PDE4D: variants seen among roughly 807,000 people sequenced by gnomAD.
PDE4D encodes 3',5'-cyclic-AMP phosphodiesterase 4D.
A neutral mutation model predicts 87.4 loss-of-function variants in PDE4D; 24 were observed. The ratio of observed to expected loss-of-function variants is 0.27; its 90% confidence interval spans 0.20 to 0.39. The LOEUF is 0.39. Among genes scored for constraint, PDE4D ranks in the 10% least tolerant of loss-of-function variants. The probability of loss-of-function intolerance (pLI) is 1.00; values close to 1 mark genes in which losing one functional copy is unlikely to be tolerated. For synonymous variants in PDE4D, 384 were observed against 383.2 expected (o/e 1.00, Z -0.02); for missense variants, 714 against 1,041.0 (o/e 0.69, Z 4.32).
intron 2 of PDE4D, among the ~76,000 whole-genome samples, chr5:60,102,650 T>A (rs1422227966): frequency 1.3e-5 from 2 of 152,044 alleles, no homozygotes; most frequent in African/African-American, 4.8e-5. Flanking sequence ...AGACAGAGAC[T>A]TATCAAAAAG....
At chr5:59,393,419 A>C (rs548001140) in intron 1 of PDE4D, among the ~76,000 whole-genome samples, 1 of 152,306 alleles carries the variant, frequency 6.6e-6, no homozygotes, top group Non-Finnish European at 1.5e-5. Context: ...GGTTGGAGTG[A>C]GAATTAAAGG....
At chr5:59,174,513 G>A (rs538567459) in intron 5 of PDE4D, 2 of 152,730 alleles carry the variant, frequency 1.3e-5, no homozygotes, top group Admixed American at 6.5e-5. Context: ...AAATCCAGAA[G>A]TCTTTTGCTT....
intron 1 of PDE4D, among the ~76,000 whole-genome samples, chr5:60,504,583 AC>A (rs764912494): frequency 6.6e-6 from 1 of 152,150 alleles, no homozygotes; most frequent in Non-Finnish European, 1.5e-5. Flanking sequence ...CTAAAGCAAA[AC>A]CATCTAAGTG....
chr5:59,667,279 T>C (rs1383268226), intron 1 of PDE4D, among the ~76,000 whole-genome samples: 2 of 152,114 alleles, frequency 1.3e-5, no homozygotes. Flanking sequence ...TTGTGTTGTG[T>C]TGTGTTTTGC....
Position 59,229,861 on chromosome 5 carries a change from C to T in PDE4D, c.456-13893G>A, listed in dbSNP as rs771251333. On this transcript the variant is annotated intron_variant, in intron 1 of 14. Coordinates refer to ENST00000340635, the MANE Select transcript of PDE4D (RefSeq NM_001104631.2). ...TTGTGCAGGCTGGAGTGCAATGGTG[C>T]GATCTCGGCTCACTGCAACCTCCGC... Among the ~76,000 whole-genome samples, 8 of 152,212 alleles carry T rather than the reference C, an allele frequency of 5.3e-5. No individual in the cohort carries two copies. In the East Asian group the frequency reaches 5.8e-4, roughly 11 times the overall value.
In PDE4D at chr5:60,103,996, C is replaced by G. The variant is rs574278734; in HGVS notation, c.42+81561G>C. Among the ~76,000 whole-genome samples, 17 of 152,274 alleles carry G rather than the reference C, an allele frequency of 1.1e-4. No homozygotes were observed. In the South Asian group the frequency reaches 3.3e-3, roughly 30 times the overall value. On this transcript the variant is annotated intron_variant, in intron 2 of 16. Transcript: ENST00000502484. ...CCAGGTTCATCTCACTAGGGAGTGC[C>G]AGACAGTGGGCGCAGGACAGTGGGT...
chr5:59,798,363 AT>A (rs112970125), intron 1 of PDE4D, among the ~76,000 whole-genome samples: 10,606 of 151,782 alleles, frequency 0.07, 448 homozygotes, highest in Middle Eastern at 0.16. Flanking sequence ...TCACCAAAAA[AT>A]TTTTTTTAAA....
chr5:59,040,015 G>A, intron 5 of PDE4D: 1 of 152,594 alleles, frequency 6.6e-6, no homozygotes, highest in Non-Finnish European at 1.5e-5. Flanking sequence ...TGCCCAGACC[G>A]CTGGAGCCTC....
intron 6 of PDE4D, among the ~76,000 whole-genome samples, chr5:59,012,491 G>C (rs566479085): frequency 2.2e-4 from 33 of 152,188 alleles, no homozygotes; most frequent in Admixed American, 7.9e-4. Flanking sequence ...AAAAAAAGCA[G>C]GGGTTGCAAT....
At position 59,795,985 on chromosome 5, in the gene PDE4D, A is replaced by T. The variant is rs184907944; in HGVS notation, c.455+97183T>A. Among the ~76,000 whole-genome samples the T allele has an allele frequency of 5.3e-5, 8 of 152,280 alleles. No homozygotes were observed. In the East Asian group the frequency reaches 1.5e-3, roughly 29 times the overall value. On this transcript the variant is annotated intron_variant, in intron 1 of 14. Transcript: ENST00000340635. ...ATCCAAGGAGAGAGGCCTGGAACAA[A>T]TCCTTGCCTCACGGTTCTCAGAAGG...
intron 1 of PDE4D, among the ~76,000 whole-genome samples, chr5:59,507,556 T>C (rs1809485307): frequency 6.6e-6 from 1 of 150,478 alleles, no homozygotes; most frequent in Non-Finnish European, 1.5e-5. Flanking sequence ...TCCTAGCTAC[T>C]TGGGAGGCTG....
At chr5:60,040,014 T>C (rs1768284663) in intron 2 of PDE4D, among the ~76,000 whole-genome samples, 1 of 152,196 alleles carries the variant, frequency 6.6e-6, no homozygotes. Flanking sequence ...AATGCCCCAT[T>C]CACTCTATCA....
intron 3 of PDE4D, among the ~76,000 whole-genome samples, chr5:59,926,033 A>C (rs1445454710): frequency 6.6e-6 from 1 of 152,224 alleles, no homozygotes; most frequent in Non-Finnish European, 1.5e-5. Context: ...AGATATTTAC[A>C]GAAGATTTCA....
At chr5:60,409,470 C>T (rs553899965) in intron 1 of PDE4D, among the ~76,000 whole-genome samples, 1 of 152,174 alleles carries the variant, frequency 6.6e-6, no homozygotes, top group South Asian at 2.1e-4. Context: ...TCCCTAAAAC[C>T]AGAAGCTATC....
chr5:60,115,678 A>T (rs1778107985), intron 2 of PDE4D, among the ~76,000 whole-genome samples: 1 of 151,286 alleles, frequency 6.6e-6, no homozygotes, highest in Admixed American at 6.6e-5. Flanking sequence ...TAAATTCACG[A>T]CTCTTTGTGT....
At chr5:59,435,627 C>G (rs1053811564) in intron 1 of PDE4D, among the ~76,000 whole-genome samples, 1 of 152,174 alleles carries the variant, frequency 6.6e-6, no homozygotes, top group African/African-American at 2.4e-5. Context: ...GCATTTACAA[C>G]TCTTCCCCAT....
chr5:60,413,817 C>T (rs146870724), intron 1 of PDE4D, among the ~76,000 whole-genome samples: 14 of 150,820 alleles, frequency 9.3e-5, no homozygotes, highest in African/African-American at 3.4e-4. Flanking sequence ...CCCAAAGTAA[C>T]AAATAATCTT....
chr5:60,401,288 A>G (rs1741059757), intron 1 of PDE4D, among the ~76,000 whole-genome samples: 2 of 152,238 alleles, frequency 1.3e-5, no homozygotes, highest in African/African-American at 4.8e-5. Flanking sequence ...CTCAAGACTT[A>G]TTTTATGGTT....
At chr5:60,085,731 ATAAC>A (rs1774450996) in intron 2 of PDE4D, among the ~76,000 whole-genome samples, 1 of 152,202 alleles carries the variant, frequency 6.6e-6, no homozygotes, top group African/African-American at 2.4e-5. Context: ...TCCAGCTAAG[ATAAC>A]TAATAAACTT....
Sources: allele counts gnomAD v4.1 joint callset (sites outside exome capture counted in the v4.1 genomes callset), GRCh38; gene constraint gnomAD v4.1.1; transcripts MANE v1.5; gene names NCBI Gene and HGNC (gene_info 2026-07-23, HGNC 2026-07-21).